The following PALLD variants were observed in gnomAD, a reference collection of about 807,000 sequenced individuals.
PALLD encodes palladin.
Under a neutral mutation model 123.5 loss-of-function variants are expected in PALLD, and 61 were observed. That is an observed-to-expected ratio of 0.49 (90% CI 0.40 to 0.61). The LOEUF (loss-of-function observed/expected upper bound fraction) is 0.61, where lower values mean the gene tolerates loss of function less well. Among genes scored for constraint, PALLD ranks in the 20% least tolerant of loss-of-function variants. The probability of loss-of-function intolerance (pLI) is 0.00; values close to 1 mark genes in which losing one functional copy is unlikely to be tolerated. For synonymous variants in PALLD, 465 were observed against 496.4 expected (o/e 0.94, Z 0.84); for missense variants, 1,273 against 1,377.0 (o/e 0.92, Z 1.20).
intron 2 of PALLD, among the ~76,000 whole-genome samples, chr4:168,546,160 G>A (rs1040687385): frequency 1.3e-5 from 2 of 152,114 alleles, no homozygotes; most frequent in South Asian, 2.1e-4. Flanking sequence ...ATTACTGTGT[G>A]TATTCATCTG....
intron 2 of PALLD, among the ~76,000 whole-genome samples, chr4:168,593,347 G>A (rs944889816): frequency 1.1e-4 from 16 of 150,034 alleles, no homozygotes; most frequent in African/African-American, 3.5e-4. Context: ...GAGGAAGAGA[G>A]ACCTCTCAGC....
intron 2 of PALLD, among the ~76,000 whole-genome samples, chr4:168,663,083 C>T (rs138892069): frequency 5.4e-4 from 82 of 152,320 alleles, no homozygotes; most frequent in Middle Eastern, 6.8e-3. Context: ...TTTGTTCAGT[C>T]CTTTCTTCAT....
intron 2 of PALLD, among the ~76,000 whole-genome samples, chr4:168,592,698 A>C (rs535252623): frequency 1.3e-5 from 2 of 151,822 alleles, no homozygotes; most frequent in East Asian, 3.9e-4. Context: ...TACATATCAT[A>C]TCTCTCCTAT....
chr4:168,600,064 C>T, intron 2 of PALLD, among the ~76,000 whole-genome samples: 1 of 146,596 alleles, frequency 6.8e-6, no homozygotes, highest in Non-Finnish European at 1.5e-5. Context: ...TATATACATA[C>T]ATGTGTATAC....
chr4:168,868,801 A>G (rs183652521), intron 10 of PALLD, among the ~76,000 whole-genome samples: 145 of 152,316 alleles, frequency 9.5e-4, no homozygotes, highest in African/African-American at 3.4e-3. Flanking sequence ...GATACAGTCT[A>G]TGTTTTGAAA....
intron 2 of PALLD, among the ~76,000 whole-genome samples, chr4:168,615,357 T>C (rs1390122751): frequency 6.6e-6 from 1 of 152,170 alleles, no homozygotes; most frequent in Non-Finnish European, 1.5e-5. Context: ...AAAAACAATT[T>C]ATCTTCATTA....
chr4:168,547,566 CAAA>C (rs11339394), intron 2 of PALLD, among the ~76,000 whole-genome samples: 1,944 of 70,946 alleles, frequency 0.027, 47 homozygotes, highest in African/African-American at 0.11. Flanking sequence ...TAATAAAATA[CAAA>C]AAAAAAAAAA....
At position 168,556,956 on chromosome 4, in the gene PALLD, G is replaced by A. The variant is rs184827939; in HGVS notation, c.908+44544G>A. ...TGCACAGATTAGAAGGCAGGAAGCA[G>A]AGCAAGTGTTCCTGTAATCAGCCTC... On this transcript the variant is annotated intron_variant, in intron 2 of 21. Transcript: ENST00000505667. Among the ~76,000 whole-genome samples, 493 of 152,304 alleles carry A rather than the reference G, an allele frequency of 3.2e-3. 1 individual carries two copies. Among genetic ancestry groups the A allele is most frequent in the Non-Finnish European group, 6.0e-3 (407 of 68,022 alleles).
At chr4:168,665,589 A>C (rs987888650) in intron 2 of PALLD, among the ~76,000 whole-genome samples, 1 of 152,198 alleles carries the variant, frequency 6.6e-6, no homozygotes, top group Non-Finnish European at 1.5e-5. Context: ...AATGGTTGCT[A>C]TGTGAAACAA....
At chr4:168,609,890 A>G (rs1773566578) in intron 2 of PALLD, among the ~76,000 whole-genome samples, 1 of 152,130 alleles carries the variant, frequency 6.6e-6, no homozygotes, top group Non-Finnish European at 1.5e-5. Context: ...ATTGTCCTCC[A>G]CAATGCTTAG....
At chr4:168,533,061 C>T (rs1019803417) in intron 2 of PALLD, among the ~76,000 whole-genome samples, 4 of 152,110 alleles carry the variant, frequency 2.6e-5, no homozygotes, top group African/African-American at 7.2e-5. Context: ...CTAAAACCCT[C>T]GAGGACAATA....
At chr4:168,509,371 T>C (rs1227245489) in intron 1 of PALLD, among the ~76,000 whole-genome samples, 4 of 152,204 alleles carry the variant, frequency 2.6e-5, no homozygotes, top group African/African-American at 9.6e-5. Context: ...TTTTTTCAAT[T>C]GTTAAATAAA....
intron 2 of PALLD, among the ~76,000 whole-genome samples, chr4:168,561,359 T>C (rs866361057): frequency 1.1e-4 from 16 of 152,068 alleles, no homozygotes; most frequent in African/African-American, 3.6e-4. Flanking sequence ...CGTTCTAGGG[T>C]TAAACGATCC....
intron 2 of PALLD, among the ~76,000 whole-genome samples, chr4:168,592,442 G>A (rs1244521786): frequency 3.3e-5 from 5 of 152,082 alleles, no homozygotes; most frequent in Admixed American, 3.3e-4. Flanking sequence ...ATAAAAAGAT[G>A]AGAAACTTTA....
chr4:168,561,795 GA>G (rs1345131139), intron 2 of PALLD, among the ~76,000 whole-genome samples: 3 of 152,062 alleles, frequency 2.0e-5, no homozygotes, highest in African/African-American at 7.2e-5. Context: ...ATATTCGGGG[GA>G]AGTAGTTCAT....
intron 10 of PALLD, among the ~76,000 whole-genome samples, chr4:168,831,134 A>C (rs17708700): frequency 0.055 from 8,353 of 152,336 alleles, 320 homozygotes; most frequent in East Asian, 0.2. Flanking sequence ...GGAGGATTAT[A>C]CACAGAGCCA....
intron 6 of PALLD, among the ~76,000 whole-genome samples, chr4:168,686,378 C>A (rs1373455541): frequency 6.6e-6 from 1 of 152,088 alleles, no homozygotes. Context: ...CTCCCCTTGT[C>A]CCCCACCTCC....
intron 1 of PALLD, among the ~76,000 whole-genome samples, chr4:168,498,323 C>T (rs556619469): frequency 4.6e-5 from 7 of 150,642 alleles, no homozygotes; most frequent in African/African-American, 1.5e-4. Flanking sequence ...TGTGTCAGCT[C>T]TTCCTCTGGG....
intron 10 of PALLD, among the ~76,000 whole-genome samples, chr4:168,731,281 C>T (rs1033104307): frequency 1.3e-5 from 2 of 152,246 alleles, no homozygotes; most frequent in Non-Finnish European, 2.9e-5. Context: ...CACATCCATT[C>T]AATCTGCCAT....
Sources: gnomAD v4.1 joint callset for allele counts (sites outside exome capture counted in the v4.1 genomes callset) on GRCh38, gnomAD v4.1.1 for gene constraint, MANE v1.5 for transcripts, NCBI Gene and HGNC (gene_info 2026-07-23, HGNC 2026-07-21) for gene names.